Variants in QKI observed in about 807,000 individuals in gnomAD.
The protein encoded by QKI is KH domain-containing RNA-binding protein QKI.
Under a neutral mutation model 39.0 loss-of-function variants are expected in QKI, and 10 were observed. That is an observed-to-expected ratio of 0.26 (90% CI 0.16 to 0.43). The LOEUF (loss-of-function observed/expected upper bound fraction) is 0.43. Among genes scored for constraint, QKI ranks in the 20% least tolerant of loss-of-function variants. The pLI is 1.00. For synonymous variants in QKI, 204 were observed against 155.4 expected (o/e 1.31, Z -2.33); for missense variants, 218 against 428.0 (o/e 0.51, Z 4.33).
intron 4 of QKI, among the ~76,000 whole-genome samples, chr6:163,541,202 A>G (rs1163761151): frequency 1.3e-5 from 2 of 151,754 alleles, no homozygotes; most frequent in African/African-American, 2.4e-5. Context: ...GTTTTTTCCA[A>G]TTTTCTTTGT....
At position 163,415,223 on chromosome 6, in the gene QKI, G is replaced by A. The variant is rs771807697; in HGVS notation, c.30G>A (p.Lys10=). ...TCGGGGAAATGGAAACGAAGGAGAA[G>A]CCGAAGCCCACCCCAGATTACCTGA... The part of the protein sequence containing the change: MVGEMETKE[K]PKPTPDYLMQ... Residue 10 remains lysine, a synonymous_variant, in exon 1 of 8, where the codon AAG becomes AAA. Coordinates refer to ENST00000361752, the MANE Select transcript of QKI (RefSeq NM_006775.3). 3.8e-6 allele frequency: 6 copies of A among 1,594,420 alleles called. No individual in the cohort carries two copies. The Admixed American group carries it at 8.5e-5, about 23-fold the overall frequency.
At chr6:163,512,890 A>G (rs1195875728) in intron 3 of QKI, among the ~76,000 whole-genome samples, 4 of 152,154 alleles carry the variant, frequency 2.6e-5, no homozygotes, top group Non-Finnish European at 4.4e-5. Context: ...AGAACAGTAG[A>G]GTAGATTAAA....
At chr6:163,509,208 A>G (rs1779286674) in intron 3 of QKI, among the ~76,000 whole-genome samples, 1 of 152,142 alleles carries the variant, frequency 6.6e-6, no homozygotes, top group Admixed American at 6.5e-5. Flanking sequence ...TGAATTCTAT[A>G]ACCAGTGAAA....
rs1699742747 is a variant in QKI, at chr6:163,578,024, C to T, written c.*7314C>T. On this transcript the variant is annotated 3_prime_UTR_variant, in exon 8 of 8. Transcript: ENST00000361752. ...ATGGTAAGTTTGGCATCATATCTTCCCCAAAAAATGTTTATTAAAATTAGA... is the reference window on the plus strand; with the variant it reads ...ATGGTAAGTTTGGCATCATATCTTCTCCAAAAAATGTTTATTAAAATTAGA... 6.6e-6 allele frequency: 1 copy of T among 151,992 alleles called. No individual in the cohort carries two copies. Among genetic ancestry groups the T allele is most frequent in the South Asian group, 2.1e-4 (1 of 4,824 alleles). The allele number at this position is 151,992 out of a possible 1,614,324, so 9.4% of individuals were successfully genotyped here.
intron 1 of QKI, among the ~76,000 whole-genome samples, chr6:163,451,648 AT>A (rs902910858): frequency 1.5e-4 from 23 of 152,160 alleles, no homozygotes; most frequent in African/African-American, 5.3e-4. Context: ...ATGTTGGGAG[AT>A]TTTTTGTACT....
chr6:163,419,603 T>G (rs1052825843), intron 1 of QKI, among the ~76,000 whole-genome samples: 1 of 152,162 alleles, frequency 6.6e-6, no homozygotes, highest in African/African-American at 2.4e-5. Flanking sequence ...CCAGGAGGTG[T>G]CAGCAGCTAT....
At chr6:163,503,369 T>C (rs185298102) in intron 3 of QKI, among the ~76,000 whole-genome samples, 2 of 152,168 alleles carry the variant, frequency 1.3e-5, no homozygotes, top group East Asian at 3.9e-4. Context: ...ATTGATTGAA[T>C]ATAGGGGGTC....
chr6:163,538,008 A>G (rs763370365), intron 4 of QKI, among the ~76,000 whole-genome samples: 4 of 145,028 alleles, frequency 2.8e-5, no homozygotes, highest in Admixed American at 7.2e-5. Context: ...TTTTTGCTAT[A>G]CCTAAAGCAC....
intron 3 of QKI, among the ~76,000 whole-genome samples, chr6:163,521,811 A>G (rs1466898253): frequency 6.6e-6 from 1 of 152,148 alleles, no homozygotes; most frequent in Non-Finnish European, 1.5e-5. Context: ...GTGAGCCACC[A>G]TGCCAGGCCT....
intron 3 of QKI, among the ~76,000 whole-genome samples, chr6:163,499,127 G>A (rs1043712832): frequency 1.3e-5 from 2 of 152,166 alleles, no homozygotes; most frequent in African/African-American, 2.4e-5. Context: ...GTGTCATTTT[G>A]AAGCGTTTTG....
chr6:163,459,533 A>G (rs1000778952), intron 2 of QKI, among the ~76,000 whole-genome samples: 1 of 152,216 alleles, frequency 6.6e-6, no homozygotes, highest in African/African-American at 2.4e-5. Flanking sequence ...AAGTCACTTC[A>G]TTTACAGAGA....
intron 7 of QKI, chr6:163,569,417 T>G: frequency 7.9e-7 from 1 of 1,267,444 alleles, no homozygotes; most frequent in Non-Finnish European, 1.0e-6. Flanking sequence ...TATCTTTTCA[T>G]TCACATCTCC....
At chr6:163,529,713 G>A (rs1780737500) in intron 3 of QKI, among the ~76,000 whole-genome samples, 1 of 152,168 alleles carries the variant, frequency 6.6e-6, no homozygotes, top group Non-Finnish European at 1.5e-5. Flanking sequence ...TCAGATTAGT[G>A]TGGATAGATG....
intron 3 of QKI, among the ~76,000 whole-genome samples, chr6:163,500,938 T>G (rs1001292869): frequency 2.6e-5 from 4 of 152,090 alleles, no homozygotes; most frequent in African/African-American, 9.7e-5. Context: ...TCCCCTCCAA[T>G]GTATGCGTGA....
chr6:163,441,777 C>T (rs1262845815), intron 1 of QKI, among the ~76,000 whole-genome samples: 3 of 152,126 alleles, frequency 2.0e-5, no homozygotes, highest in Non-Finnish European at 2.9e-5. Flanking sequence ...GAAAGAGTTA[C>T]TGCAAAACCT....
At chr6:163,506,852 G>T (rs117603640) in intron 3 of QKI, among the ~76,000 whole-genome samples, 6 of 152,060 alleles carry the variant, frequency 3.9e-5, no homozygotes, top group Non-Finnish European at 5.9e-5. Flanking sequence ...ACCCCTTTCA[G>T]TGTTGTGTTT....
chr6:163,520,320 A>G (rs1038785717), intron 3 of QKI, among the ~76,000 whole-genome samples: 3 of 152,182 alleles, frequency 2.0e-5, no homozygotes, highest in African/African-American at 4.8e-5. Flanking sequence ...CAAACTCATC[A>G]TTATAACACT....
intron 4 of QKI, among the ~76,000 whole-genome samples, chr6:163,558,402 T>C (rs1308839869): frequency 6.7e-6 from 1 of 149,912 alleles, no homozygotes; most frequent in Non-Finnish European, 1.5e-5. Context: ...TTTTTTCTTT[T>C]TCTTTTTTTT....
chr6:163,501,868 T>C (rs1778782891), intron 3 of QKI, among the ~76,000 whole-genome samples: 1 of 152,196 alleles, frequency 6.6e-6, no homozygotes, highest in Non-Finnish European at 1.5e-5. Flanking sequence ...TTGGAAGACA[T>C]GAGGTGAAGA....
Sources: allele counts gnomAD v4.1 joint callset (sites outside exome capture counted in the v4.1 genomes callset), GRCh38; gene constraint gnomAD v4.1.1; transcripts MANE v1.5; gene names NCBI Gene and HGNC (gene_info 2026-07-23, HGNC 2026-07-21).